The following IFT81 variants were observed in gnomAD, a reference collection of about 807,000 sequenced individuals.
The protein encoded by IFT81 is intraflagellar transport protein 81 homolog.
A neutral mutation model predicts 102.6 loss-of-function variants in IFT81; 72 were observed. The ratio of observed to expected loss-of-function variants is 0.70; its 90% confidence interval spans 0.58 to 0.85. IFT81 has a LOEUF of 0.85. IFT81 is among the 40% of genes least tolerant of loss of function. IFT81 has a pLI of 0.00. For missense variants in IFT81, 723 were observed against 787.3 expected (o/e 0.92, Z 0.98); for synonymous variants, 237 against 242.7 (o/e 0.98, Z 0.22).
chr12:110,174,203 G>A (rs370541442), intron 11 of IFT81, among the ~76,000 whole-genome samples: 5 of 148,734 alleles, frequency 3.4e-5, no homozygotes, highest in East Asian at 3.9e-4. Flanking sequence ...GCGTGAACCC[G>A]GGAGGCGGGG....
At position 110,180,562 on chromosome 12, in the gene IFT81, A is replaced by G; in HGVS notation, c.1329A>G (p.Gln443=). The G allele has an allele frequency of 6.2e-7, 1 of 1,603,360 alleles. No homozygotes were observed. ...TTAAGCAACGTCATGAAAATATTCAACAACAACTGGTAATACAGTATTATC... is the reference window on the plus strand; with the variant it reads ...TTAAGCAACGTCATGAAAATATTCAGCAACAACTGGTAATACAGTATTATC... ...ELLKQRHENI[Q]QQLQTMEEKK... Residue 443 remains glutamine (Q), a synonymous_variant, in exon 12 of 19, where the codon CAA becomes CAG. Transcript: ENST00000242591.
intron 11 of IFT81, among the ~76,000 whole-genome samples, chr12:110,179,771 T>TACACACACACACAC (rs1180642058): frequency 1.3e-4 from 7 of 52,778 alleles, no homozygotes; most frequent in African/African-American, 2.3e-4. Context: ...TATATATATA[T>TACACACACACACAC]ATACACACAC....
chr12:110,158,290 G>T (rs1037824035), intron 10 of IFT81, among the ~76,000 whole-genome samples: 4 of 152,150 alleles, frequency 2.6e-5, no homozygotes, highest in Non-Finnish European at 5.9e-5. Flanking sequence ...ATGTTGGCCA[G>T]ACTGGTCTTG....
chr12:110,128,570 A>T (rs1277153810), intron 3 of IFT81, among the ~76,000 whole-genome samples: 1 of 151,758 alleles, frequency 6.6e-6, no homozygotes, highest in Non-Finnish European at 1.5e-5. Context: ...TGAGAGGATC[A>T]CTTGAGCTCA....
intron 12 of IFT81, among the ~76,000 whole-genome samples, chr12:110,188,465 A>G (rs1469899405): frequency 4.0e-5 from 6 of 151,812 alleles, no homozygotes; most frequent in Admixed American, 3.9e-4. Flanking sequence ...ATCTGGGGCT[A>G]ATTCTCTGTA....
chr12:110,170,904 T>C lies in IFT81; in HGVS notation c.1188+7839T>C, dbSNP rs900528150. On this transcript the variant is annotated intron_variant, in intron 11 of 18. Coordinates refer to ENST00000242591, the MANE Select transcript of IFT81 (RefSeq NM_014055.4). ...AATCTTAGAGCTAAATTGGAAAGAT[T>C]ATGAAATCTTCTTTAAATACTTCAA... Among the ~76,000 whole-genome samples, 9 of 152,312 alleles carry C rather than the reference T, an allele frequency of 5.9e-5. No individual in the cohort carries two copies. The East Asian group carries it at 1.7e-3, about 29-fold the overall frequency.
intron 17 of IFT81, among the ~76,000 whole-genome samples, chr12:110,207,490 G>A (rs1868793174): frequency 6.6e-6 from 1 of 151,438 alleles, no homozygotes; most frequent in Non-Finnish European, 1.5e-5. Flanking sequence ...AAATACTGCA[G>A]CGTAGCTTCA....
At chr12:110,158,150 A>C (rs957250241) in intron 10 of IFT81, among the ~76,000 whole-genome samples, 1 of 152,090 alleles carries the variant, frequency 6.6e-6, no homozygotes, top group Non-Finnish European at 1.5e-5. Context: ...AACTCACTGC[A>C]ACCTCCACCT....
At chr12:110,185,894 T>TG (rs879884047) in intron 12 of IFT81, among the ~76,000 whole-genome samples, 1 of 152,104 alleles carries the variant, frequency 6.6e-6, no homozygotes, top group Non-Finnish European at 1.5e-5. Flanking sequence ...GCCACTGTGC[T>TG]GGGGCCTAGA....
intron 10 of IFT81, among the ~76,000 whole-genome samples, chr12:110,154,756 A>G (rs939810916): frequency 1.3e-5 from 2 of 152,028 alleles, no homozygotes; most frequent in Non-Finnish European, 2.9e-5. Context: ...CAAATAAGAT[A>G]CTCTGTATGA....
intron 10 of IFT81, among the ~76,000 whole-genome samples, chr12:110,161,320 G>A (rs762372845): frequency 1.3e-5 from 2 of 151,266 alleles, no homozygotes; most frequent in Non-Finnish European, 2.9e-5. Context: ...GTATTTTTTT[G>A]TATTTTTAGT....
intron 14 of IFT81, among the ~76,000 whole-genome samples, chr12:110,198,454 A>G (rs919503801): frequency 6.6e-6 from 1 of 151,620 alleles, no homozygotes; most frequent in Non-Finnish European, 1.5e-5. Context: ...CCATGTTTTG[A>G]GTGTATATTT....
Position 110,205,651 on chromosome 12 carries a change from T to G in IFT81, c.1773T>G (p.Ser591=). The G allele has an allele frequency of 6.3e-7, 1 of 1,594,616 alleles. No homozygotes were observed. The highest frequency in any genetic ancestry group is 1.2e-5 in the South Asian group (1 of 84,876). The change falls in exon 17 of 19, where the codon TCT becomes TCG. Residue 591 remains serine, a synonymous_variant. Transcript: ENST00000242591. ...ATDEMKAYIS[S]DQQEKRKAIR... ...ATGAGATGAAGGCATATATCTCTTC[T>G]GATCAACAAGAAAAAAGAAAGGCAA... is the stretch of plus-strand genomic sequence containing the variant.
chr12:110,180,411 T>G lies in IFT81; in HGVS notation c.1189-11T>G. On this transcript the variant is annotated splice_polypyrimidine_tract_variant and intron_variant, in intron 11 of 18. Coordinates refer to ENST00000242591, the MANE Select transcript of IFT81 (RefSeq NM_014055.4). ...CTACTCATTAGATTACATATTGTGT[T>G]TTTTTTACAGTTCAAACGATATGTC... 1 of 1,564,774 alleles carries G rather than the reference T, an allele frequency of 6.4e-7. No homozygotes were observed.
rs764927115 is a variant in IFT81 at position 110,205,506 on chromosome 12, A to G, written c.1708A>G (p.Met570Val). The G allele has an allele frequency of 1.7e-5, 28 of 1,604,350 alleles. No individual in the cohort carries two copies. Among genetic ancestry groups the G allele is most frequent in the Admixed American group, 5.2e-5 (3 of 57,912 alleles). ...EESRYHYTNC[M>V]IKNLEVQLRR... is the part of the protein sequence containing the mutation. ...AAGTAGATACCATTATACAAATTGT[A>G]TGATTAAGGTAAGACAAAGTAGATC... Residue 570 changes from methionine (M) to valine (V), a missense_variant, in exon 16 of 19, where the codon ATG (methionine) becomes GTG (valine). By Grantham distance (21) the Met-to-Val change is conservative (BLOSUM62 1). Coordinates refer to ENST00000242591, the MANE Select transcript of IFT81 (RefSeq NM_014055.4).
intron 13 of IFT81, among the ~76,000 whole-genome samples, chr12:110,191,258 C>T (rs1897785540): frequency 6.6e-6 from 1 of 151,968 alleles, no homozygotes; most frequent in African/African-American, 2.4e-5. Flanking sequence ...GTAACATCCA[C>T]CTCTGGGGTT....
intron 11 of IFT81, among the ~76,000 whole-genome samples, chr12:110,173,051 A>G (rs1241570503): frequency 5.9e-4 from 70 of 119,482 alleles, no homozygotes; most frequent in East Asian, 1.1e-3. Context: ...GCCTCTGCCC[A>G]GCTGCCCCTA....
intron 18 of IFT81, among the ~76,000 whole-genome samples, chr12:110,216,344 CA>C (rs1417076297): frequency 2.0e-5 from 3 of 152,018 alleles, no homozygotes; most frequent in Non-Finnish European, 4.4e-5. Context: ...CATGTGCCAC[CA>C]CCATGCCCAG....
Position 110,172,799 on chromosome 12 carries a change from C to T in IFT81, c.1189-7623C>T, listed in dbSNP as rs376774488. ...AAGTGCCCAGAGTGCAGCCTCTGCC[C>T]GGCCGCCACCCCGTCTAGGAAGTGA... is the stretch of plus-strand genomic sequence containing the variant. On this transcript the variant is annotated intron_variant, in intron 11 of 18. Coordinates refer to ENST00000242591, the MANE Select transcript of IFT81 (RefSeq NM_014055.4). Among the ~76,000 whole-genome samples, 63 of 152,242 alleles carry T rather than the reference C, an allele frequency of 4.1e-4. 1 individual carries two copies. Among genetic ancestry groups the T allele is most frequent in the African/African-American group, 1.3e-3 (56 of 41,562 alleles).
Sources: gnomAD v4.1 joint callset for allele counts (sites outside exome capture counted in the v4.1 genomes callset) on GRCh38, gnomAD v4.1.1 for gene constraint, MANE v1.5 for transcripts, NCBI Gene and HGNC (gene_info 2026-07-23, HGNC 2026-07-21) for gene names.